The following MAGI2 variants were observed in gnomAD, a reference collection of about 807,000 sequenced individuals.
MAGI2 encodes the protein membrane associated guanylate kinase, WW and PDZ domain containing 2.
In MAGI2, 35 loss-of-function variants were observed where a neutral mutation model predicts 133.3. That is an observed-to-expected ratio of 0.26 (90% CI 0.20 to 0.35). The LOEUF is 0.35. Ranked by LOEUF, MAGI2 falls within the 10% of genes least tolerant of loss-of-function variation. MAGI2 has a pLI of 1.00. For synonymous variants in MAGI2, 729 were observed against 710.6 expected, an observed-to-expected ratio of 1.03 and a Z score of -0.41; for missense variants, 1,636 against 1,863.4, an observed-to-expected ratio of 0.88 and a Z score of 2.25.
intron 3 of MAGI2, among the ~76,000 whole-genome samples, chr7:78,611,016 C>T (rs534050610): frequency 9.2e-5 from 14 of 152,338 alleles, no homozygotes; most frequent in Middle Eastern, 3.4e-3. Context: ...AACATCTTTA[C>T]GCTTCAGGTT....
intron 1 of MAGI2, among the ~76,000 whole-genome samples, chr7:79,044,852 A>C (rs1812019381): frequency 6.6e-6 from 1 of 152,198 alleles, no homozygotes; most frequent in Non-Finnish European, 1.5e-5. Flanking sequence ...AACCACTTGG[A>C]AAAGTTTGAC....
chr7:79,075,597 CA>C (rs200075614), intron 1 of MAGI2, among the ~76,000 whole-genome samples: 1 of 151,990 alleles, frequency 6.6e-6, no homozygotes, highest in Admixed American at 6.6e-5. Context: ...CCCATCTCTA[CA>C]AAAAATATAT....
In MAGI2 at chr7:79,020,765, T is replaced by TACAA. The variant is rs562890979; in HGVS notation, c.302-13560_302-13559insTTGT. ...TGGGTGACAGAGCAAGACTCTGTCTTAAAAAAAAAAAAAGGAAAGAAAAAA... is the reference window on the plus strand; with the variant it reads ...TGGGTGACAGAGCAAGACTCTGTCTTACAAAAAAAAAAAAAAAGGAAAGAAAAAA... On this transcript the variant is annotated intron_variant, in intron 1 of 21. Transcript: ENST00000354212. 2.7e-4 allele frequency among the ~76,000 whole-genome samples: 37 copies of TACAA among 139,156 alleles called. 2 individuals carry two copies. The Middle Eastern group carries it at 0.011, about 41-fold the overall frequency. 91.3% of individuals were successfully genotyped at this position (139,156 alleles called of 152,430 possible). A position where few individuals can be genotyped will look rare whatever the true frequency, so the allele number is the denominator to read the frequency against.
intron 1 of MAGI2, among the ~76,000 whole-genome samples, chr7:79,211,375 A>C (rs76743896): frequency 0.046 from 7,021 of 152,024 alleles, 615 homozygotes; most frequent in African/African-American, 0.16. Context: ...CTCCCGGTTC[A>C]AGTGATCTCC....
At chr7:79,343,672 G>C (rs140054401) in intron 1 of MAGI2, among the ~76,000 whole-genome samples, 15 of 152,046 alleles carry the variant, frequency 9.9e-5, no homozygotes, top group Admixed American at 3.3e-4. Context: ...CCCCGATTCT[G>C]CTCCCTGTAG....
intron 2 of MAGI2, among the ~76,000 whole-genome samples, chr7:78,956,225 A>C (rs1193199835): frequency 6.6e-6 from 1 of 152,118 alleles, no homozygotes; most frequent in Non-Finnish European, 1.5e-5. Flanking sequence ...CCACAGTGTA[A>C]TTTATTAAAA....
intron 3 of MAGI2, among the ~76,000 whole-genome samples, chr7:78,587,741 G>C (rs1803575602): frequency 6.6e-6 from 1 of 152,144 alleles, no homozygotes; most frequent in Non-Finnish European, 1.5e-5. Flanking sequence ...CTCGGCCGTA[G>C]CACATAAAAC....
intron 1 of MAGI2, among the ~76,000 whole-genome samples, chr7:79,273,960 T>C (rs191127296): frequency 6.6e-6 from 1 of 152,224 alleles, no homozygotes; most frequent in Non-Finnish European, 1.5e-5. Flanking sequence ...ATTCGACCAA[T>C]TGAACATAGG....
intron 2 of MAGI2, among the ~76,000 whole-genome samples, chr7:78,977,459 CAAAGAAAGAAAGAAAGAAAGAAAGAAAG>C (rs71095371): frequency 0.055 from 7,630 of 138,560 alleles, 312 homozygotes; most frequent in Non-Finnish European, 0.076. Flanking sequence ...TTACAATTTA[CAAAGAAAGAAAGAAAGAAAGAAAGAAAG>C]AAAGAAAGAA....
chr7:78,429,842 G>T (rs1200596848), intron 6 of MAGI2, among the ~76,000 whole-genome samples: 2 of 152,080 alleles, frequency 1.3e-5, no homozygotes, highest in Non-Finnish European at 2.9e-5. Context: ...AGTACCCAAA[G>T]ATATAGGTAT....
At chr7:78,282,157 TG>T (rs1470322558) in intron 9 of MAGI2, among the ~76,000 whole-genome samples, 4 of 148,318 alleles carry the variant, frequency 2.7e-5, no homozygotes, top group Non-Finnish European at 5.9e-5. Context: ...AAAACAACTT[TG>T]GATTTAAAAA....
At chr7:79,230,062 G>A (rs1831227849) in intron 1 of MAGI2, among the ~76,000 whole-genome samples, 4 of 149,370 alleles carry the variant, frequency 2.7e-5, no homozygotes, top group South Asian at 2.1e-4. Context: ...TTGTTCTTGC[G>A]ATAGTTTACT....
intron 20 of MAGI2, among the ~76,000 whole-genome samples, chr7:78,082,635 CGG>C (rs1306603313): frequency 5.3e-5 from 8 of 152,032 alleles, no homozygotes; most frequent in African/African-American, 1.9e-4. Context: ...TTTGGAGCAA[CGG>C]AAGTTTGGGA....
intron 21 of MAGI2, among the ~76,000 whole-genome samples, chr7:78,044,900 G>A (rs1176198798): frequency 1.3e-5 from 2 of 152,236 alleles, no homozygotes; most frequent in East Asian, 1.9e-4. Context: ...CGGGTGCGGC[G>A]GCTCACACCT....
intron 5 of MAGI2, among the ~76,000 whole-genome samples, chr7:78,491,784 TA>T (rs1341874875): frequency 6.6e-6 from 1 of 151,782 alleles, no homozygotes; most frequent in Non-Finnish European, 1.5e-5. Context: ...AATGTGAGGA[TA>T]GGGGCACCGG....
intron 2 of MAGI2, among the ~76,000 whole-genome samples, chr7:78,902,866 G>A (rs897617129): frequency 3.9e-5 from 6 of 152,140 alleles, no homozygotes; most frequent in Non-Finnish European, 8.8e-5. Flanking sequence ...AAAAAGTAGG[G>A]AAGATATTGT....
intron 1 of MAGI2, among the ~76,000 whole-genome samples, chr7:79,030,501 G>A (rs553043866): frequency 8.5e-5 from 13 of 152,240 alleles, no homozygotes; most frequent in Middle Eastern, 3.4e-3. Context: ...GTAGTTCTCC[G>A]TTTTTGTTTT....
chr7:79,282,315 T>C (rs1397856002), intron 1 of MAGI2, among the ~76,000 whole-genome samples: 2 of 152,162 alleles, frequency 1.3e-5, no homozygotes, highest in Non-Finnish European at 1.5e-5. Context: ...CTTGCGTTTA[T>C]AGCCTCCAGA....
chr7:79,202,989 G>T (rs1269530690), intron 1 of MAGI2, among the ~76,000 whole-genome samples: 2 of 151,930 alleles, frequency 1.3e-5, no homozygotes, highest in Non-Finnish European at 2.9e-5. Flanking sequence ...CATATATCCT[G>T]ATTATCCACA....
Sources: gnomAD v4.1 joint callset for allele counts (sites outside exome capture counted in the v4.1 genomes callset) on GRCh38, gnomAD v4.1.1 for gene constraint, MANE v1.5 for transcripts, NCBI Gene and HGNC (gene_info 2026-07-23, HGNC 2026-07-21) for gene names.